Variants in RALGAPB observed in about 807,000 individuals in gnomAD.
The protein encoded by RALGAPB is ral GTPase-activating protein subunit beta.
In RALGAPB, 25 loss-of-function variants were observed where a neutral mutation model predicts 161.1. That is an observed-to-expected ratio of 0.16 (90% CI 0.11 to 0.22). The LOEUF (loss-of-function observed/expected upper bound fraction) is 0.22, where lower values mean the gene tolerates loss of function less well. Ranked by LOEUF, RALGAPB falls within the 10% of genes least tolerant of loss-of-function variation. The pLI is 1.00. For missense variants in RALGAPB, 1,391 were observed against 1,815.2 expected (o/e 0.77, Z 4.25); for synonymous variants, 629 against 626.1 (o/e 1.00, Z -0.07).
In RALGAPB at chr20:38,575,544, A is replaced by C. The variant is rs2088406087; in HGVS notation, c.*577A>C. The C allele has an allele frequency of 6.5e-6, 1 of 154,006 alleles. No individual in the cohort carries two copies. Among genetic ancestry groups the C allele is most frequent in the African/African-American group, 2.4e-5 (1 of 41,452 alleles). The allele number at this position is 154,006 out of a possible 1,614,324, so 9.5% of individuals were successfully genotyped here. Reference sequence around the variant, plus strand: ...TGCTCAGATAAGAAGCCTGACATTAAAAGATGTCATATTTTTTTCTCCACA... The same window carrying C: ...TGCTCAGATAAGAAGCCTGACATTACAAGATGTCATATTTTTTTCTCCACA... On this transcript the variant is annotated 3_prime_UTR_variant, in exon 30 of 30. Coordinates refer to ENST00000262879, the MANE Select transcript of RALGAPB (RefSeq NM_020336.4).
intron 22 of RALGAPB, among the ~76,000 whole-genome samples, chr20:38,558,076 T>A (rs190597365): frequency 6.6e-6 from 1 of 152,350 alleles, no homozygotes. Flanking sequence ...ATATACACAA[T>A]ATAATCTCAG....
chr20:38,487,522 T>C lies in RALGAPB; in HGVS notation c.-30-881T>C, dbSNP rs145168712. Among the ~76,000 whole-genome samples, 23 of 152,284 alleles carry C rather than the reference T, an allele frequency of 1.5e-4. No homozygotes were observed. In the East Asian group the frequency reaches 4.4e-3, roughly 29 times the overall value. The stretch of plus-strand genomic sequence containing the variant: ...GATTCTAGAAGAAATGAAAATTTAA[T>C]ATATGACAGAATTAGTATTTCAGTT... On this transcript the variant is annotated intron_variant, in intron 1 of 29. Coordinates refer to ENST00000262879, the MANE Select transcript of RALGAPB (RefSeq NM_020336.4).
intron 4 of RALGAPB, among the ~76,000 whole-genome samples, chr20:38,498,602 G>A (rs1171563575): frequency 6.6e-6 from 1 of 152,232 alleles, no homozygotes; most frequent in East Asian, 1.9e-4. Context: ...ACAGCATGAG[G>A]CAGACAATTC....
At chr20:38,521,731 A>C in intron 10 of RALGAPB, 33 bp downstream of exon 10, 1 of 1,602,510 alleles carries the variant, frequency 6.2e-7, no homozygotes, top group Non-Finnish European at 8.5e-7. Flanking sequence ...TTTCATTTAT[A>C]TAGTTTTGAT....
intron 4 of RALGAPB, among the ~76,000 whole-genome samples, chr20:38,498,050 CAA>C (rs539222692): frequency 0.016 from 1,856 of 118,780 alleles, 22 homozygotes; most frequent in Non-Finnish European, 0.023. Flanking sequence ...GCCTGGGCGA[CAA>C]GAGCAAGACT....
intron 24 of RALGAPB, 136 bp downstream of exon 24, chr20:38,562,833 C>T: frequency 1.1e-6 from 1 of 906,368 alleles, no homozygotes; most frequent in Non-Finnish European, 1.6e-6. Context: ...TGCCTGTCTT[C>T]AAGAAGCCAA....
chr20:38,500,184 T>C (rs964837164), intron 5 of RALGAPB, among the ~76,000 whole-genome samples: 1 of 152,114 alleles, frequency 6.6e-6, no homozygotes, highest in African/African-American at 2.4e-5. Context: ...GTGATTTTAA[T>C]ATGCAAGCAT....
At chr20:38,566,298 T>A (rs1292891605) in intron 25 of RALGAPB, among the ~76,000 whole-genome samples, 1 of 152,074 alleles carries the variant, frequency 6.6e-6, no homozygotes, top group Non-Finnish European at 1.5e-5. Flanking sequence ...ATGGTTTAGG[T>A]TTGAATTATA....
intron 6 of RALGAPB, 133 bp downstream of exon 6, chr20:38,509,341 CAACAAGCACAT>C: frequency 2.0e-6 from 2 of 993,752 alleles, no homozygotes; most frequent in Non-Finnish European, 3.0e-6. Context: ...TCCAGCTGGA[CAACAAGCACAT>C]TTCTGTCCTG....
chr20:38,501,421 G>C (rs1050962993), intron 5 of RALGAPB, among the ~76,000 whole-genome samples: 2 of 152,164 alleles, frequency 1.3e-5, no homozygotes, highest in Non-Finnish European at 2.9e-5. Flanking sequence ...AGACCACTCT[G>C]GGCAACTTGG....
chr20:38,498,664 A>G (rs950772416), intron 4 of RALGAPB, among the ~76,000 whole-genome samples: 77 of 152,188 alleles, frequency 5.1e-4, no homozygotes, highest in African/African-American at 1.8e-3. Flanking sequence ...CTCATTTGAA[A>G]CACACATTCT....
At chr20:38,548,868 G>C (rs1462091280) in intron 20 of RALGAPB, 73 bp downstream of exon 20, 9 of 1,245,624 alleles carry the variant, frequency 7.2e-6, no homozygotes, top group Admixed American at 1.7e-5. Flanking sequence ...TCCAACAGAA[G>C]ACACAGATCA....
chr20:38,507,697 T>C (rs1335693039), intron 5 of RALGAPB, among the ~76,000 whole-genome samples: 1 of 151,974 alleles, frequency 6.6e-6, no homozygotes. Context: ...TTTTTTGTTT[T>C]TGTTTTTCTT....
At chr20:38,491,612 T>C (rs900211768) in intron 2 of RALGAPB, among the ~76,000 whole-genome samples, 3 of 152,358 alleles carry the variant, frequency 2.0e-5, no homozygotes, top group East Asian at 3.9e-4. Flanking sequence ...AAATTTCTAG[T>C]TGGAAGACCA....
At chr20:38,531,295 C>A in intron 14 of RALGAPB, 64 bp downstream of exon 14, 1 of 1,343,160 alleles carries the variant, frequency 7.4e-7, no homozygotes, top group Non-Finnish European at 1.1e-6. Context: ...AATTATATTC[C>A]AGAATGTCCA....
Position 38,517,384 on chromosome 20 carries a change from A to T in RALGAPB, c.1052-122A>T, listed in dbSNP as rs568181537. 48 of 911,046 alleles carry T rather than the reference A, an allele frequency of 5.3e-5. No individual in the cohort carries two copies. In the African/African-American group the frequency reaches 8.1e-4, roughly 15 times the overall value. 56.4% of individuals were successfully genotyped at this position (911,046 alleles called of 1,614,324 possible). The stretch of plus-strand genomic sequence containing the variant: ...AATAGTGAGTAGATACTGAGAGGCA[A>T]CTAGCAATCTCTGCTATAGTCTATG... On this transcript the variant is annotated intron_variant, in intron 7 of 29. Coordinates refer to ENST00000262879, the MANE Select transcript of RALGAPB (RefSeq NM_020336.4).
intron 13 of RALGAPB, among the ~76,000 whole-genome samples, chr20:38,527,071 G>T (rs989248156): frequency 6.6e-6 from 1 of 152,064 alleles, no homozygotes; most frequent in African/African-American, 2.4e-5. Flanking sequence ...ACAAACCTGG[G>T]TGGCAGTTAG....
At chr20:38,504,900 G>T (rs1427321097) in intron 5 of RALGAPB, among the ~76,000 whole-genome samples, 33 of 152,132 alleles carry the variant, frequency 2.2e-4, no homozygotes, top group Admixed American at 2.2e-3. Context: ...CAGGCAGAAT[G>T]GGTATTATTA....
At chr20:38,553,186 G>A (rs146724346) in intron 21 of RALGAPB, among the ~76,000 whole-genome samples, 1 of 152,302 alleles carries the variant, frequency 6.6e-6, no homozygotes, top group East Asian at 1.9e-4. Flanking sequence ...TTGTTTTCAT[G>A]GATGGCCAAA....
Sources: allele counts gnomAD v4.1 joint callset (sites outside exome capture counted in the v4.1 genomes callset), GRCh38; gene constraint gnomAD v4.1.1; transcripts MANE v1.5; gene names NCBI Gene and HGNC (gene_info 2026-07-23, HGNC 2026-07-21).